Variants in TMEM108 observed in about 807,000 individuals in gnomAD.
The protein encoded by TMEM108 is cancer/testis antigen 124.
TMEM108 carries 12 observed loss-of-function variants against 35.1 expected under a neutral mutation model. The observed-to-expected ratio is 0.34, with a 90% CI of 0.22 to 0.55. The LOEUF (loss-of-function observed/expected upper bound fraction) is 0.55, where lower values mean the gene tolerates loss of function less well. Ranked by LOEUF, TMEM108 falls within the 20% of genes least tolerant of loss-of-function variation. The pLI is 0.89. For synonymous variants in TMEM108, 287 were observed against 308.6 expected, an observed-to-expected ratio of 0.93 and a Z score of 0.73; for missense variants, 680 against 753.3, an observed-to-expected ratio of 0.90 and a Z score of 1.14.
intron 3 of TMEM108, among the ~76,000 whole-genome samples, chr3:133,272,270 TAC>T (rs1491320769): frequency 1.5e-5 from 2 of 137,318 alleles, no homozygotes; most frequent in South Asian, 2.5e-4. Context: ...ACCATACACG[TAC>T]GTGTGTGTGT....
chr3:133,226,556 C>T (rs1559874496), intron 2 of TMEM108, among the ~76,000 whole-genome samples: 1 of 152,028 alleles, frequency 6.6e-6, no homozygotes, highest in South Asian at 2.1e-4. Flanking sequence ...AATGCTGGTC[C>T]GTTTTGCTTC....
Position 133,290,889 on chromosome 3 carries a change from G to T in TMEM108, c.40+61538G>T, listed in dbSNP as rs373795868. On this transcript the variant is annotated intron_variant, in intron 3 of 5. Transcript: ENST00000321871. ...CAGCCCTATACCTCATTTGCAATGA[G>T]AAATGAAGAAGGGCCCAGAGATTTT... Among the ~76,000 whole-genome samples, 15 of 152,250 alleles carry T rather than the reference G, an allele frequency of 9.9e-5. No homozygotes were observed. In the East Asian group the frequency reaches 2.7e-3, roughly 27 times the overall value.
chr3:133,082,001 G>A (rs1460924566), intron 2 of TMEM108, among the ~76,000 whole-genome samples: 3 of 152,170 alleles, frequency 2.0e-5, no homozygotes, highest in Non-Finnish European at 2.9e-5. Context: ...CAAAGCCGTG[G>A]CAGATCCTAA....
intron 2 of TMEM108, among the ~76,000 whole-genome samples, chr3:133,181,008 T>TTAAAAAAAAAAAAAAA (rs1342312044): frequency 1.3e-5 from 1 of 75,866 alleles, no homozygotes; most frequent in African/African-American, 5.1e-5. Context: ...GCAGTTGTGT[T>TTAAAAAAAAAAAAAAA]AAAAAAAAAA....
intron 2 of TMEM108, among the ~76,000 whole-genome samples, chr3:133,106,531 C>A (rs1944155600): frequency 6.6e-6 from 1 of 152,194 alleles, no homozygotes; most frequent in Non-Finnish European, 1.5e-5. Context: ...CTGGTACTCA[C>A]ACTTTTGTGT....
chr3:133,379,585 C>T, intron 3 of TMEM108, 167 bp from the exon 4 acceptor site: 1 of 687,362 alleles, frequency 1.5e-6, no homozygotes, highest in Non-Finnish European at 2.5e-6. Context: ...AGACCTGCCC[C>T]AGCTCCACAG....
At chr3:133,075,148 A>C (rs1229568348) in intron 2 of TMEM108, among the ~76,000 whole-genome samples, 1 of 152,122 alleles carries the variant, frequency 6.6e-6, no homozygotes, top group Non-Finnish European at 1.5e-5. Flanking sequence ...AGGGATGCTC[A>C]CTCGATTCCC....
intron 3 of TMEM108, among the ~76,000 whole-genome samples, chr3:133,376,875 G>A (rs929752250): frequency 2.0e-5 from 3 of 152,184 alleles, no homozygotes; most frequent in African/African-American, 7.2e-5. Flanking sequence ...AGTTTGCTAG[G>A]GCTTCCATAA....
chr3:133,199,921 C>T (rs566178605), intron 2 of TMEM108, among the ~76,000 whole-genome samples: 15 of 152,234 alleles, frequency 9.9e-5, no homozygotes, highest in Admixed American at 3.3e-4. Flanking sequence ...CCACCCAGTT[C>T]GAGCTTCATG....
At chr3:133,137,478 G>T (rs1411187827) in intron 2 of TMEM108, among the ~76,000 whole-genome samples, 1 of 152,190 alleles carries the variant, frequency 6.6e-6, no homozygotes, top group Non-Finnish European at 1.5e-5. Context: ...TCTATCCCCA[G>T]ATGCTGTCTT....
intron 3 of TMEM108, among the ~76,000 whole-genome samples, chr3:133,339,010 C>T (rs2071583619): frequency 1.3e-5 from 2 of 151,406 alleles, no homozygotes; most frequent in African/African-American, 4.8e-5. Flanking sequence ...AAAATAATAA[C>T]ACCAAAGAAC....
intron 3 of TMEM108, among the ~76,000 whole-genome samples, chr3:133,325,727 AAAAATAAT>A (rs2071323866): frequency 6.7e-6 from 1 of 149,544 alleles, no homozygotes; most frequent in Non-Finnish European, 1.5e-5. Flanking sequence ...AATATATATA[AAAAATAAT>A]AAAATAAAAA....
chr3:133,250,097 A>G (rs1314560828), intron 3 of TMEM108, among the ~76,000 whole-genome samples: 1 of 152,168 alleles, frequency 6.6e-6, no homozygotes, highest in Non-Finnish European at 1.5e-5. Context: ...TCAGTAGAGT[A>G]ACATCAAATG....
chr3:133,213,710 A>T (rs1289147016), intron 2 of TMEM108, among the ~76,000 whole-genome samples: 1 of 152,168 alleles, frequency 6.6e-6, no homozygotes, highest in Admixed American at 6.5e-5. Context: ...TCCAAGGGAA[A>T]TGTATTGTCC....
chr3:133,364,827 T>C (rs2072456735), intron 3 of TMEM108, among the ~76,000 whole-genome samples: 1 of 152,028 alleles, frequency 6.6e-6, no homozygotes, highest in South Asian at 2.1e-4. Flanking sequence ...ATACAGGAGG[T>C]TTTCCAGAAG....
At chr3:133,307,340 G>T (rs1439290700) in intron 3 of TMEM108, among the ~76,000 whole-genome samples, 2 of 151,936 alleles carry the variant, frequency 1.3e-5, no homozygotes, top group African/African-American at 4.8e-5. Flanking sequence ...CACTCTGATG[G>T]TAGTTTCTTT....
At chr3:133,126,474 C>A (rs930267451) in intron 2 of TMEM108, among the ~76,000 whole-genome samples, 4 of 149,890 alleles carry the variant, frequency 2.7e-5, no homozygotes, top group Non-Finnish European at 5.9e-5. Flanking sequence ...CCCCGCCCCC[C>A]CCAGAAAAAA....
At chr3:133,055,212 G>A (rs1943452330) in intron 2 of TMEM108, among the ~76,000 whole-genome samples, 1 of 152,126 alleles carries the variant, frequency 6.6e-6, no homozygotes, top group Admixed American at 6.5e-5. Context: ...AGGAAGATTT[G>A]TATGTAGATA....
intron 2 of TMEM108, among the ~76,000 whole-genome samples, chr3:133,191,355 A>G (rs1471800993): frequency 3.9e-5 from 6 of 152,290 alleles, no homozygotes; most frequent in Non-Finnish European, 2.9e-5. Flanking sequence ...ACTTTCACCT[A>G]TGTTAGTATG....
Sources: allele counts gnomAD v4.1 joint callset (sites outside exome capture counted in the v4.1 genomes callset), GRCh38; gene constraint gnomAD v4.1.1; transcripts MANE v1.5; gene names NCBI Gene and HGNC (gene_info 2026-07-23, HGNC 2026-07-21).